The following NFKB1 variants were observed in gnomAD, a reference collection of about 807,000 sequenced individuals.
NFKB1 encodes nuclear factor NF-kappa-B p105 subunit.
In NFKB1, 9 loss-of-function variants were observed where a neutral mutation model predicts 105.1. The observed-to-expected ratio is 0.09, with a 90% CI of 0.05 to 0.15. NFKB1 has a LOEUF of 0.15. NFKB1 is among the 10% of genes least tolerant of loss of function. The pLI, the probability that NFKB1 is intolerant of heterozygous loss-of-function variation, is 1.00. For missense variants in NFKB1, 830 were observed against 1,203.7 expected (o/e 0.69, Z 4.59); for synonymous variants, 440 against 442.2 (o/e 1.00, Z 0.06).
At chr4:102,503,413 C>A (rs1320830142) in intron 1 of NFKB1, 1 of 152,018 alleles carries the variant, frequency 6.6e-6, no homozygotes, top group Admixed American at 6.5e-5. Flanking sequence ...GTTATATGTA[C>A]ATTTAATACT....
At position 102,592,568 on chromosome 4, in the gene NFKB1, A is replaced by G. The variant is rs569953926; in HGVS notation, c.1067-857A>G. On this transcript the variant is annotated intron_variant, in intron 11 of 23. Coordinates refer to ENST00000226574, the MANE Select transcript of NFKB1 (RefSeq NM_003998.4). Reference sequence around the variant, plus strand: ...AAGTGTTTTTAATTAAGATATGTACATTGCTTTTTAAGACATTCTGTTGCA... The same window carrying G: ...AAGTGTTTTTAATTAAGATATGTACGTTGCTTTTTAAGACATTCTGTTGCA... 1.5e-4 allele frequency among the ~76,000 whole-genome samples: 23 copies of G among 152,304 alleles called. No individual in the cohort carries two copies. The South Asian group carries it at 4.4e-3, about 29-fold the overall frequency.
At chr4:102,519,833 G>T (rs1184313435) in intron 1 of NFKB1, among the ~76,000 whole-genome samples, 1 of 152,150 alleles carries the variant, frequency 6.6e-6, no homozygotes, top group Non-Finnish European at 1.5e-5. Context: ...TCTTATCTAG[G>T]ACATTGGTTC....
intron 14 of NFKB1, 138 bp downstream of exon 14, chr4:102,596,470 G>C: frequency 1.6e-6 from 1 of 610,718 alleles, no homozygotes; most frequent in Non-Finnish European, 2.5e-6. Flanking sequence ...TATGCCTTTG[G>C]AAAAGCATAT....
At chr4:102,532,329 GATAAAA>G (rs1741345113) in intron 3 of NFKB1, among the ~76,000 whole-genome samples, 1 of 152,032 alleles carries the variant, frequency 6.6e-6, no homozygotes, top group African/African-American at 2.4e-5. Context: ...ATATTGAAAA[GATAAAA>G]ATAAATTCTC....
chr4:102,550,746 C>T (rs1578751041), intron 5 of NFKB1, among the ~76,000 whole-genome samples: 1 of 152,322 alleles, frequency 6.6e-6, no homozygotes, highest in East Asian at 1.9e-4. Context: ...AGAGAGCATT[C>T]AGTCAGAGTA....
chr4:102,606,748 T>G, intron 17 of NFKB1, 51 bp downstream of exon 17: 2 of 1,524,190 alleles, frequency 1.3e-6, no homozygotes, highest in Non-Finnish European at 1.8e-6. Context: ...CTTCTAAATA[T>G]CTACTAGGTA....
intron 5 of NFKB1, among the ~76,000 whole-genome samples, chr4:102,546,129 T>G (rs1722123203): frequency 6.6e-6 from 1 of 152,142 alleles, no homozygotes; most frequent in African/African-American, 2.4e-5. Flanking sequence ...GGATTTCAAA[T>G]TATTGCTAAT....
intron 1 of NFKB1, among the ~76,000 whole-genome samples, chr4:102,522,973 A>C (rs1740663925): frequency 6.6e-6 from 1 of 152,192 alleles, no homozygotes; most frequent in African/African-American, 2.4e-5. Flanking sequence ...TACGTGTAAA[A>C]ATCCAAGTTT....
intron 16 of NFKB1, among the ~76,000 whole-genome samples, chr4:102,602,510 G>A (rs1040120659): frequency 6.6e-6 from 1 of 151,198 alleles, no homozygotes; most frequent in African/African-American, 2.4e-5. Flanking sequence ...CTGCACTCCA[G>A]CCTGGGTGAC....
intron 6 of NFKB1, among the ~76,000 whole-genome samples, chr4:102,571,592 A>C (rs1724364775): frequency 6.6e-6 from 1 of 152,250 alleles, no homozygotes; most frequent in South Asian, 2.1e-4. Context: ...CATCTGACAA[A>C]GGGCTAATAT....
In NFKB1 at chr4:102,613,588, AAAAAGAC is replaced by A; in HGVS notation, c.2749+16_2749+22del. On this transcript the variant is annotated splice_region_variant and intron_variant, in intron 23 of 23. Transcript: ENST00000226574. ...TCCACAAGGCAGCAAATAGGTAAAA[AAAAAGAC>A]AAAAGACAGTGGAGATATTTTCCAG... 6.2e-7 allele frequency: 1 copy of A among 1,611,392 alleles called. No individual in the cohort carries two copies. Among genetic ancestry groups the A allele is most frequent in the South Asian group, 1.1e-5 (1 of 90,710 alleles).
intron 5 of NFKB1, among the ~76,000 whole-genome samples, chr4:102,555,217 G>C (rs1480299213): frequency 6.6e-6 from 1 of 152,200 alleles, no homozygotes; most frequent in African/African-American, 2.4e-5. Context: ...TGGATAGCCT[G>C]TTGGGCCCCA....
chr4:102,544,072 C>T (rs76016852), intron 5 of NFKB1, among the ~76,000 whole-genome samples: 7,004 of 147,804 alleles, frequency 0.047, 241 homozygotes, highest in South Asian at 0.1. Context: ...TGGTTTCAGA[C>T]GCTTTTTAGA....
intron 1 of NFKB1, among the ~76,000 whole-genome samples, chr4:102,512,467 G>A (rs533861532): frequency 3.3e-5 from 5 of 152,238 alleles, no homozygotes; most frequent in African/African-American, 1.2e-4. Flanking sequence ...TCCCACCTCA[G>A]CCACCCAAGT....
intron 2 of NFKB1, among the ~76,000 whole-genome samples, chr4:102,526,302 T>A (rs1740908802): frequency 6.6e-6 from 1 of 151,992 alleles, no homozygotes; most frequent in Non-Finnish European, 1.5e-5. Flanking sequence ...TACACATGGA[T>A]GTAGAGAGTG....
At chr4:102,583,638 C>G (rs1725484498) in intron 10 of NFKB1, among the ~76,000 whole-genome samples, 1 of 152,128 alleles carries the variant, frequency 6.6e-6, no homozygotes, top group Non-Finnish European at 1.5e-5. Context: ...GAGTCATCTT[C>G]TAATTGAAGC....
At chr4:102,508,532 T>G (rs192651511) in intron 1 of NFKB1, among the ~76,000 whole-genome samples, 6 of 152,178 alleles carry the variant, frequency 3.9e-5, no homozygotes, top group Admixed American at 2.6e-4. Context: ...GGAAAAAAAT[T>G]TTTAGTGTGT....
At chr4:102,597,317 TCTAA>T (rs1726699795) in intron 14 of NFKB1, among the ~76,000 whole-genome samples, 199 bp from the exon 15 acceptor site, 2 of 152,258 alleles carry the variant, frequency 1.3e-5, no homozygotes, top group Admixed American at 6.5e-5. Flanking sequence ...AAGATCAATC[TCTAA>T]CTATATTTGT....
At chr4:102,551,738 A>G (rs1423093934) in intron 5 of NFKB1, among the ~76,000 whole-genome samples, 1 of 152,146 alleles carries the variant, frequency 6.6e-6, no homozygotes, top group Non-Finnish European at 1.5e-5. Flanking sequence ...AAACACTTTA[A>G]TATATTTTAT....
Sources: gnomAD v4.1 joint callset for allele counts (sites outside exome capture counted in the v4.1 genomes callset) on GRCh38, gnomAD v4.1.1 for gene constraint, MANE v1.5 for transcripts, NCBI Gene and HGNC (gene_info 2026-07-23, HGNC 2026-07-21) for gene names.